Variants in RFX7 observed in about 807,000 individuals in gnomAD.
RFX7 encodes the protein DNA-binding protein RFX7.
Under a neutral mutation model 111.8 loss-of-function variants are expected in RFX7, and 26 were observed. That is an observed-to-expected ratio of 0.23 (90% confidence interval 0.17 to 0.32). The LOEUF (loss-of-function observed/expected upper bound fraction) is 0.32, where lower values mean the gene tolerates loss of function less well. Ranked by LOEUF, RFX7 falls within the 10% of genes least tolerant of loss-of-function variation. RFX7 has a pLI of 1.00. For missense variants in RFX7, 1,573 were observed against 1,772.9 expected (o/e 0.89, Z 2.02); for synonymous variants, 624 against 624.4 (o/e 1.00, Z 0.01).
intron 2 of RFX7, among the ~76,000 whole-genome samples, chr15:56,189,158 G>A (rs188350371): frequency 3.3e-5 from 5 of 152,096 alleles, no homozygotes; most frequent in African/African-American, 9.7e-5. Flanking sequence ...AAGCCAAGGC[G>A]GAAAAATTGC....
chr15:56,222,453 G>A (rs747287119), intron 2 of RFX7, among the ~76,000 whole-genome samples: 7 of 151,890 alleles, frequency 4.6e-5, no homozygotes, highest in Admixed American at 4.6e-4. Flanking sequence ...TTATTTTTCT[G>A]CTCCAGTATC....
intron 3 of RFX7, among the ~76,000 whole-genome samples, chr15:56,151,214 C>T (rs1159268273): frequency 5.5e-4 from 83 of 152,264 alleles, no homozygotes; most frequent in Non-Finnish European, 3.2e-4. Context: ...GAGACCACCA[C>T]AAAGATACTC....
chr15:56,159,912 C>T (rs553996143), intron 3 of RFX7, among the ~76,000 whole-genome samples: 1 of 152,240 alleles, frequency 6.6e-6, no homozygotes, highest in East Asian at 1.9e-4. Context: ...AGATCTGCTC[C>T]TGTTTTTAGG....
At chr15:56,168,402 G>T (rs1382597480) in intron 3 of RFX7, among the ~76,000 whole-genome samples, 1 of 152,178 alleles carries the variant, frequency 6.6e-6, no homozygotes, top group East Asian at 1.9e-4. Context: ...TCCATGAAAA[G>T]ACAGTGTTAA....
At chr15:56,242,814 C>T (rs1382604749) in intron 2 of RFX7, among the ~76,000 whole-genome samples, 1 of 152,196 alleles carries the variant, frequency 6.6e-6, no homozygotes, top group African/African-American at 2.4e-5. Context: ...ATGCCACCAT[C>T]ATGCAATATG....
chr15:56,192,867 T>G (rs1406950057), intron 2 of RFX7: 3 of 217,136 alleles, frequency 1.4e-5, no homozygotes, highest in Middle Eastern at 5.4e-4. Context: ...GGCAAACTTG[T>G]ATGTTCAGCA....
intron 2 of RFX7, among the ~76,000 whole-genome samples, chr15:56,211,945 C>T (rs2043316817): frequency 6.6e-6 from 1 of 152,142 alleles, no homozygotes; most frequent in Non-Finnish European, 1.5e-5. Flanking sequence ...AAATGGAAGA[C>T]ATTTTGGCAG....
At chr15:56,112,349 G>T (rs1314545767) in intron 5 of RFX7, among the ~76,000 whole-genome samples, 1 of 92,550 alleles carries the variant, frequency 1.1e-5, no homozygotes, top group African/African-American at 4.5e-5. Context: ...AATTTATTTG[G>T]AACAGAATAA....
chr15:56,212,045 C>T lies in RFX7; in HGVS notation c.161+31080G>A, dbSNP rs563928809. 9.9e-5 allele frequency among the ~76,000 whole-genome samples: 15 copies of T among 152,060 alleles called. No individual in the cohort carries two copies. In the South Asian group the frequency reaches 1.2e-3, roughly 13 times the overall value. ...CAAAGGAGAAAAAAATACATTCATA[C>T]GAAAACTGGTACACGTTTTTAGTAG... On this transcript the variant is annotated intron_variant, in intron 2 of 9. Transcript: ENST00000559447.
chr15:56,186,017 T>C (rs188733472), intron 2 of RFX7, among the ~76,000 whole-genome samples: 52 of 152,354 alleles, frequency 3.4e-4, no homozygotes, highest in African/African-American at 9.9e-4. Context: ...CAGACCAATT[T>C]GTATACGGAT....
chr15:56,201,175 G>A (rs538143164), intron 2 of RFX7, among the ~76,000 whole-genome samples: 4 of 152,084 alleles, frequency 2.6e-5, no homozygotes, highest in Non-Finnish European at 5.9e-5. Flanking sequence ...AGGTATACTT[G>A]TAAGACATGA....
At position 56,087,474 on chromosome 15, in the gene RFX7, T is replaced by G. The variant is rs1245602935; in HGVS notation, c.*5871A>C. The G allele has an allele frequency of 2.2e-6, 1 of 456,568 alleles. No homozygotes were observed. The highest frequency in any genetic ancestry group is 4.4e-6 in the Non-Finnish European group (1 of 226,972). The allele number at this position is 456,568 out of a possible 1,614,324, so 28.3% of individuals were successfully genotyped here. On this transcript the variant is annotated 3_prime_UTR_variant, in exon 10 of 10. Transcript: ENST00000559447. ...GCTGCTTGAGTTCTAGCCATCACAT[T>G]TGCATTCCAGCCAGCAGAGAGGAAG... is the stretch of plus-strand genomic sequence containing the variant.
intron 2 of RFX7, among the ~76,000 whole-genome samples, chr15:56,219,673 C>T (rs183499856): frequency 8.7e-4 from 133 of 152,268 alleles, no homozygotes; most frequent in African/African-American, 2.4e-3. Context: ...GCTACATCCA[C>T]GTCGCTGCAA....
intron 3 of RFX7, among the ~76,000 whole-genome samples, chr15:56,172,007 T>A (rs1337495616): frequency 2.0e-5 from 3 of 152,102 alleles, no homozygotes; most frequent in Non-Finnish European, 4.4e-5. Context: ...AGGAACGGCC[T>A]AAAATGTAAC....
chr15:56,112,620 A>C (rs1211557880), intron 5 of RFX7, among the ~76,000 whole-genome samples: 2 of 152,208 alleles, frequency 1.3e-5, no homozygotes, highest in African/African-American at 4.8e-5. Flanking sequence ...AGAAATCGCC[A>C]CAAGCAATTC....
chr15:56,233,444 T>C (rs1404941034), intron 2 of RFX7, among the ~76,000 whole-genome samples: 2 of 152,096 alleles, frequency 1.3e-5, no homozygotes, highest in South Asian at 2.1e-4. Flanking sequence ...CAATTCAAGA[T>C]GAGATCTGGG....
In RFX7 at chr15:56,090,734, T is replaced by C. The variant is rs979897653; in HGVS notation, c.*2611A>G. 1.3e-5 allele frequency: 2 copies of C among 152,586 alleles called. No homozygotes were observed. Among genetic ancestry groups the C allele is most frequent in the Admixed American group, 1.3e-4 (2 of 15,262 alleles). 9.5% of individuals were successfully genotyped at this position (152,586 alleles called of 1,614,324 possible). On this transcript the variant is annotated 3_prime_UTR_variant, in exon 10 of 10. Transcript: ENST00000559447. ...CATGAAACAGGGCTTGTTTTTGTCA[T>C]TTATCGTGTAGTAAAGCACATTATA...
At chr15:56,209,005 A>T (rs998835808) in intron 2 of RFX7, among the ~76,000 whole-genome samples, 2 of 152,176 alleles carry the variant, frequency 1.3e-5, no homozygotes, top group Admixed American at 6.6e-5. Context: ...CAATAATGAC[A>T]AAAGAATTTC....
At chr15:56,168,242 C>A (rs767529605) in intron 3 of RFX7, among the ~76,000 whole-genome samples, 1 of 152,100 alleles carries the variant, frequency 6.6e-6, no homozygotes, top group Non-Finnish European at 1.5e-5. Context: ...ACATGTGAAG[C>A]CTTTGTCTGC....
Sources: allele counts gnomAD v4.1 joint callset (sites outside exome capture counted in the v4.1 genomes callset), GRCh38; gene constraint gnomAD v4.1.1; transcripts MANE v1.5; gene names NCBI Gene and HGNC (gene_info 2026-07-23, HGNC 2026-07-21).